FOXP2: variants seen among roughly 807,000 people sequenced by gnomAD.
The protein encoded by FOXP2 is forkhead box P2.
Under a neutral mutation model 115.8 loss-of-function variants are expected in FOXP2, and 12 were observed. The ratio of observed to expected loss-of-function variants is 0.10; its 90% confidence interval spans 0.07 to 0.17. The LOEUF is 0.17. Ranked by LOEUF, FOXP2 falls within the 10% of genes least tolerant of loss-of-function variation. The pLI is 1.00. For missense variants in FOXP2, 629 were observed against 843.5 expected (o/e 0.75, Z 3.15); for synonymous variants, 328 against 297.7 (o/e 1.10, Z -1.05).
chr7:114,109,787 G>A (rs548636943), intron 1 of FOXP2, among the ~76,000 whole-genome samples: 3 of 152,034 alleles, frequency 2.0e-5, no homozygotes, highest in African/African-American at 7.2e-5. Context: ...ATAAATATCT[G>A]TCAGAACATT....
chr7:114,174,396 A>T (rs1294094147), intron 1 of FOXP2, among the ~76,000 whole-genome samples: 1 of 152,018 alleles, frequency 6.6e-6, no homozygotes, highest in African/African-American at 2.4e-5. Flanking sequence ...TTTGTGTCCT[A>T]GTATTTCTGT....
At chr7:114,540,142 T>C (rs1799583837) in intron 3 of FOXP2, among the ~76,000 whole-genome samples, 1 of 152,058 alleles carries the variant, frequency 6.6e-6, no homozygotes, top group Non-Finnish European at 1.5e-5. Flanking sequence ...AATTTGTTAC[T>C]ATTACCAGCT....
chr7:114,638,983 A>G (rs1223748924), intron 6 of FOXP2, among the ~76,000 whole-genome samples: 1 of 152,174 alleles, frequency 6.6e-6, no homozygotes, highest in Non-Finnish European at 1.5e-5. Context: ...TTGTTACTTC[A>G]TTACAATAGC....
rs189376320 is a variant in FOXP2 at position 114,491,942 on chromosome 7, G to T, written c.169-42675G>T. Among the ~76,000 whole-genome samples the T allele has an allele frequency of 1.4e-3, 214 of 152,300 alleles. 1 individual carries two copies. The highest frequency in any genetic ancestry group is 4.9e-3 in the African/African-American group (203 of 41,560). On this transcript the variant is annotated intron_variant, in intron 2 of 16. Coordinates refer to ENST00000350908, the MANE Select transcript of FOXP2 (RefSeq NM_014491.4). ...TGCCCTCATAAAATGAGTTAGGGAG[G>T]ATTCCCTCTTTTTCTATTGATTGGA...
At chr7:114,419,944 C>T (rs1793543697) in intron 1 of FOXP2, 1 of 151,832 alleles carries the variant, frequency 6.6e-6, no homozygotes, top group Non-Finnish European at 1.5e-5. Context: ...AATGGGAAGG[C>T]AAGAGGTGGG....
chr7:114,527,261 C>A (rs201883599), intron 2 of FOXP2, among the ~76,000 whole-genome samples: 3 of 151,936 alleles, frequency 2.0e-5, no homozygotes, highest in African/African-American at 7.3e-5. Flanking sequence ...TTGATATGAA[C>A]AATTATGTTC....
chr7:114,354,829 T>A (rs1791577540), intron 2 of FOXP2, among the ~76,000 whole-genome samples: 1 of 152,202 alleles, frequency 6.6e-6, no homozygotes, highest in Non-Finnish European at 1.5e-5. Context: ...TGATAGTTTT[T>A]AAAATATGAG....
At chr7:114,301,339 T>G (rs976089153) in intron 2 of FOXP2, among the ~76,000 whole-genome samples, 2 of 152,110 alleles carry the variant, frequency 1.3e-5, no homozygotes, top group African/African-American at 4.8e-5. Context: ...AGTCACAAGT[T>G]TTTTAGTTTC....
chr7:114,273,729 C>A (rs1187823999), intron 1 of FOXP2, among the ~76,000 whole-genome samples: 1 of 152,020 alleles, frequency 6.6e-6, no homozygotes, highest in South Asian at 2.1e-4. Flanking sequence ...TTGAAGTCTG[C>A]TATGTCTGAA....
intron 1 of FOXP2, among the ~76,000 whole-genome samples, chr7:114,274,762 T>A (rs961737603): frequency 3.3e-5 from 5 of 151,682 alleles, no homozygotes; most frequent in African/African-American, 1.2e-4. Context: ...ACTGCAGGCA[T>A]GCACCACCAT....
At chr7:114,645,129 AATATATATATATATATATATAT>A (rs60674425) in intron 8 of FOXP2, 42 of 32,656 alleles carry the variant, frequency 1.3e-3, no homozygotes, top group South Asian at 4.5e-3. Context: ...GAGTCATCCT[AATATATATATATATATATATAT>A]ATATATATAT....
chr7:114,268,706 GTGT>G, intron 1 of FOXP2, among the ~76,000 whole-genome samples: 1 of 127,632 alleles, frequency 7.8e-6, no homozygotes, highest in African/African-American at 4.3e-5. Flanking sequence ...CCCACTGTGT[GTGT>G]GTGTGTGTGT....
intron 2 of FOXP2, among the ~76,000 whole-genome samples, chr7:114,534,131 T>C (rs1185488036): frequency 6.6e-6 from 1 of 151,916 alleles, no homozygotes; most frequent in Admixed American, 6.6e-5. Context: ...ACAAAAAAAG[T>C]GTTTTTAATC....
chr7:114,302,455 A>C (rs951895719), intron 2 of FOXP2, among the ~76,000 whole-genome samples: 4 of 152,156 alleles, frequency 2.6e-5, no homozygotes, highest in Non-Finnish European at 5.9e-5. Flanking sequence ...ATACTCAACA[A>C]CTTTAAGAGG....
intron 1 of FOXP2, among the ~76,000 whole-genome samples, chr7:114,425,198 C>A (rs1177452041): frequency 6.6e-6 from 1 of 151,292 alleles, no homozygotes; most frequent in African/African-American, 2.4e-5. Context: ...TTTAAATGGA[C>A]AAAGCATTAA....
intron 2 of FOXP2, among the ~76,000 whole-genome samples, chr7:114,449,739 A>G (rs1794991142): frequency 6.6e-6 from 1 of 152,132 alleles, no homozygotes. Flanking sequence ...CTCAATCCGT[A>G]TAATTTTACC....
At chr7:114,493,550 T>C (rs1377224917) in intron 2 of FOXP2, among the ~76,000 whole-genome samples, 2 of 152,120 alleles carry the variant, frequency 1.3e-5, no homozygotes, top group African/African-American at 2.4e-5. Context: ...AAAAAGTCTA[T>C]TAGAAATGCA....
At chr7:114,587,629 C>G (rs921166721) in intron 3 of FOXP2, among the ~76,000 whole-genome samples, 2 of 151,744 alleles carry the variant, frequency 1.3e-5, no homozygotes, top group Non-Finnish European at 2.9e-5. Flanking sequence ...CAAATCCAAA[C>G]ACATAAAAAT....
intron 2 of FOXP2, among the ~76,000 whole-genome samples, chr7:114,455,136 T>G (rs1795253227): frequency 6.6e-6 from 1 of 152,196 alleles, no homozygotes; most frequent in African/African-American, 2.4e-5. Context: ...GTATGCATAT[T>G]CAATGTCCAA....
Sources: gnomAD v4.1 joint callset for allele counts (sites outside exome capture counted in the v4.1 genomes callset) on GRCh38, gnomAD v4.1.1 for gene constraint, MANE v1.5 for transcripts, NCBI Gene and HGNC (gene_info 2026-07-23, HGNC 2026-07-21) for gene names.